The following ADGRB3 variants were observed in gnomAD, a reference collection of about 807,000 sequenced individuals.
The protein encoded by ADGRB3 is adhesion G protein-coupled receptor B3.
A neutral mutation model predicts 193.4 loss-of-function variants in ADGRB3; 37 were observed. That is an observed-to-expected ratio of 0.19 (90% CI 0.15 to 0.25). The LOEUF (loss-of-function observed/expected upper bound fraction) is 0.25. Among genes scored for constraint, ADGRB3 ranks in the 10% least tolerant of loss-of-function variants. ADGRB3 has a pLI of 1.00. For synonymous variants in ADGRB3, 690 were observed against 644.2 expected, an observed-to-expected ratio of 1.07 and a Z score of -1.08; for missense variants, 1,637 against 1,852.9, an observed-to-expected ratio of 0.88 and a Z score of 2.14.
chr6:69,138,941 A>G (rs1241759095), intron 17 of ADGRB3, among the ~76,000 whole-genome samples: 1 of 152,150 alleles, frequency 6.6e-6, no homozygotes, highest in Admixed American at 6.5e-5. Context: ...CTAGTGCATG[A>G]CTCTATTCAG....
Position 69,244,796 on chromosome 6 carries a change from T to C in ADGRB3, c.2814+5570T>C, listed in dbSNP as rs1047959763. The stretch of plus-strand genomic sequence containing the variant: ...AAGCTTGTTGTCAGAGTTACATGAA[T>C]TAGTACGTATGGAGCACTTAACCCA... On this transcript the variant is annotated intron_variant, in intron 20 of 31. Transcript: ENST00000370598. Among the ~76,000 whole-genome samples the C allele has an allele frequency of 2.0e-5, 3 of 152,042 alleles. No individual in the cohort carries two copies. The South Asian group carries it at 6.2e-4, about 31-fold the overall frequency.
chr6:68,651,366 G>T (rs1768362366), intron 3 of ADGRB3, among the ~76,000 whole-genome samples: 1 of 152,116 alleles, frequency 6.6e-6, no homozygotes, highest in South Asian at 2.1e-4. Context: ...ACTTTAGCTT[G>T]TAGTATATTA....
At chr6:69,044,117 T>A (rs555356637) in intron 13 of ADGRB3, among the ~76,000 whole-genome samples, 1 of 152,274 alleles carries the variant, frequency 6.6e-6, no homozygotes, top group East Asian at 1.9e-4. Flanking sequence ...GGATAAATGC[T>A]TACCCTAAAA....
intron 20 of ADGRB3, among the ~76,000 whole-genome samples, chr6:69,241,166 A>G (rs16900586): frequency 0.14 from 21,393 of 151,880 alleles, 1,574 homozygotes; most frequent in Middle Eastern, 0.16. Flanking sequence ...TTCACATCAT[A>G]GTGGTTATGC....
intron 3 of ADGRB3, among the ~76,000 whole-genome samples, chr6:68,913,326 G>A (rs868822233): frequency 6.6e-5 from 10 of 152,258 alleles, no homozygotes; most frequent in South Asian, 2.1e-4. Flanking sequence ...TCACACGGCC[G>A]GGTACTCCTC....
chr6:68,732,054 T>A (rs1425174412), intron 3 of ADGRB3, among the ~76,000 whole-genome samples: 3 of 151,970 alleles, frequency 2.0e-5, no homozygotes, highest in East Asian at 3.9e-4. Flanking sequence ...ATTAATTTTA[T>A]TATTACATCT....
intron 19 of ADGRB3, 137 bp from the exon 20 acceptor site, chr6:69,238,987 T>C: frequency 2.3e-6 from 1 of 431,310 alleles, no homozygotes; most frequent in Non-Finnish European, 4.1e-6. Context: ...AAACTATTTT[T>C]ATATTTTTTA....
chr6:68,732,631 A>G (rs574580853), intron 3 of ADGRB3, among the ~76,000 whole-genome samples: 1 of 151,898 alleles, frequency 6.6e-6, no homozygotes, highest in Non-Finnish European at 1.5e-5. Context: ...CTGAGGTGGA[A>G]CAATAGTCAG....
intron 3 of ADGRB3, among the ~76,000 whole-genome samples, chr6:68,785,461 C>G (rs976816047): frequency 6.6e-6 from 1 of 151,802 alleles, no homozygotes; most frequent in Admixed American, 6.6e-5. Context: ...CCAGCTTCAT[C>G]CATGTCCCTA....
chr6:69,346,773 A>G (rs1021600902), intron 26 of ADGRB3, among the ~76,000 whole-genome samples: 7 of 152,310 alleles, frequency 4.6e-5, no homozygotes, highest in African/African-American at 1.7e-4. Context: ...AATTAGCTCA[A>G]CCATTGTGGA....
intron 10 of ADGRB3, among the ~76,000 whole-genome samples, chr6:68,984,050 T>C (rs905094106): frequency 2.0e-5 from 3 of 152,134 alleles, no homozygotes; most frequent in African/African-American, 7.2e-5. Context: ...CCAGAGGTAG[T>C]AAGCAAGAAG....
intron 10 of ADGRB3, among the ~76,000 whole-genome samples, chr6:68,984,408 T>G (rs1232816792): frequency 6.6e-6 from 1 of 152,144 alleles, no homozygotes; most frequent in Non-Finnish European, 1.5e-5. Flanking sequence ...TTGTTTCTAT[T>G]AAATCTGGAG....
intron 20 of ADGRB3, among the ~76,000 whole-genome samples, chr6:69,266,140 A>C (rs1225410681): frequency 6.6e-6 from 1 of 151,990 alleles, no homozygotes; most frequent in Admixed American, 6.6e-5. Context: ...ATTCTTTAAA[A>C]GGAGTAAAGA....
At chr6:68,874,989 A>G (rs2150221583) in intron 3 of ADGRB3, among the ~76,000 whole-genome samples, 1 of 152,234 alleles carries the variant, frequency 6.6e-6, no homozygotes, top group Non-Finnish European at 1.5e-5. Flanking sequence ...ACAATCCACC[A>G]CAAGCATCAG....
At chr6:68,733,746 G>A (rs1017330547) in intron 3 of ADGRB3, among the ~76,000 whole-genome samples, 5 of 151,498 alleles carry the variant, frequency 3.3e-5, no homozygotes, top group African/African-American at 9.7e-5. Context: ...AGCACAATAG[G>A]GTGACTATAG....
intron 20 of ADGRB3, among the ~76,000 whole-genome samples, chr6:69,294,413 A>G (rs1033121331): frequency 3.3e-5 from 5 of 152,074 alleles, no homozygotes; most frequent in African/African-American, 4.8e-5. Context: ...AATAGGACAG[A>G]TGGAGAAAAA....
intron 26 of ADGRB3, among the ~76,000 whole-genome samples, chr6:69,346,535 G>A (rs1769092406): frequency 1.3e-5 from 2 of 152,144 alleles, no homozygotes; most frequent in African/African-American, 2.4e-5. Flanking sequence ...ATCAAAAAGT[G>A]AGGAAAGGAT....
At chr6:68,933,837 T>A (rs1767414343) in intron 4 of ADGRB3, among the ~76,000 whole-genome samples, 1 of 152,180 alleles carries the variant, frequency 6.6e-6, no homozygotes, top group African/African-American at 2.4e-5. Context: ...TTTCCATCAA[T>A]CACAGGTCTT....
intron 22 of ADGRB3, 60 bp from the exon 23 acceptor site, chr6:69,330,446 C>G: frequency 7.6e-7 from 1 of 1,321,604 alleles, no homozygotes; most frequent in Non-Finnish European, 1.1e-6. Flanking sequence ...TTGTATCACA[C>G]GTTAGTGGTC....
Sources: allele counts gnomAD v4.1 joint callset (sites outside exome capture counted in the v4.1 genomes callset), GRCh38; gene constraint gnomAD v4.1.1; transcripts MANE v1.5; gene names NCBI Gene and HGNC (gene_info 2026-07-23, HGNC 2026-07-21).